The following SPOCK3 variants were observed in gnomAD, a reference collection of about 807,000 sequenced individuals.
SPOCK3 encodes testican-3.
A neutral mutation model predicts 56.6 loss-of-function variants in SPOCK3; 30 were observed. The observed-to-expected ratio is 0.53, with a 90% CI of 0.40 to 0.72. SPOCK3 has a LOEUF of 0.72. Ranked by LOEUF, SPOCK3 falls within the 30% of genes least tolerant of loss-of-function variation. SPOCK3 has a pLI of 0.00. For missense variants in SPOCK3, 527 were observed against 530.0 expected (o/e 0.99, Z 0.06); for synonymous variants, 196 against 183.3 (o/e 1.07, Z -0.56).
At chr4:166,976,515 T>G (rs955928316) in intron 4 of SPOCK3, among the ~76,000 whole-genome samples, 4 of 152,156 alleles carry the variant, frequency 2.6e-5, no homozygotes, top group Non-Finnish European at 5.9e-5. Context: ...GTCCTTGATA[T>G]TTGAATTTGA....
intron 2 of SPOCK3, among the ~76,000 whole-genome samples, chr4:167,218,133 C>A (rs1002679129): frequency 6.6e-6 from 1 of 152,090 alleles, no homozygotes; most frequent in African/African-American, 2.4e-5. Flanking sequence ...TCTTATGTTT[C>A]TAACATGGCA....
intron 8 of SPOCK3, among the ~76,000 whole-genome samples, chr4:166,746,897 A>G (rs1158856692): frequency 6.6e-6 from 1 of 152,176 alleles, no homozygotes; most frequent in Non-Finnish European, 1.5e-5. Context: ...AAATGCATAA[A>G]TTCCTGGACA....
At chr4:166,850,803 G>C (rs780883773) in intron 6 of SPOCK3, among the ~76,000 whole-genome samples, 5 of 152,226 alleles carry the variant, frequency 3.3e-5, no homozygotes, top group Admixed American at 1.3e-4. Flanking sequence ...CCCGCACCTG[G>C]CTCGGAGGGT....
intron 7 of SPOCK3, among the ~76,000 whole-genome samples, chr4:166,785,836 C>T (rs182661416): frequency 6.6e-6 from 1 of 152,140 alleles, no homozygotes; most frequent in Non-Finnish European, 1.5e-5. Flanking sequence ...ATTTATCACT[C>T]TTCTGAAGTT....
chr4:166,822,398 C>T (rs556620921), intron 6 of SPOCK3, among the ~76,000 whole-genome samples: 4 of 152,152 alleles, frequency 2.6e-5, no homozygotes, highest in Admixed American at 6.6e-5. Flanking sequence ...TCTTTGAACA[C>T]TCTTTGGCCA....
At chr4:166,763,756 T>A (rs933828362) in intron 7 of SPOCK3, among the ~76,000 whole-genome samples, 1 of 152,138 alleles carries the variant, frequency 6.6e-6, no homozygotes, top group East Asian at 1.9e-4. Context: ...TGATATATAC[T>A]ATAAACCCTA....
intron 2 of SPOCK3, among the ~76,000 whole-genome samples, chr4:167,132,735 C>T (rs1279674615): frequency 2.0e-5 from 3 of 152,010 alleles, no homozygotes; most frequent in Non-Finnish European, 2.9e-5. Context: ...GATAGCTGCC[C>T]GTAAACCCTG....
At chr4:166,946,924 G>C (rs1741835370) in intron 4 of SPOCK3, among the ~76,000 whole-genome samples, 1 of 152,046 alleles carries the variant, frequency 6.6e-6, no homozygotes, top group Non-Finnish European at 1.5e-5. Flanking sequence ...CATCACCAAT[G>C]AAAAACCCTA....
chr4:167,040,086 T>C (rs1235817163), intron 3 of SPOCK3, among the ~76,000 whole-genome samples: 1 of 152,230 alleles, frequency 6.6e-6, no homozygotes, highest in African/African-American at 2.4e-5. Flanking sequence ...TTTTCTTAAG[T>C]TATGCAGCCT....
At chr4:167,059,794 C>T (rs1461156770) in intron 3 of SPOCK3, among the ~76,000 whole-genome samples, 1 of 152,132 alleles carries the variant, frequency 6.6e-6, no homozygotes, top group Non-Finnish European at 1.5e-5. Flanking sequence ...AAATGTGGCA[C>T]ATATACACCA....
At chr4:166,998,253 C>T (rs1030137888) in intron 4 of SPOCK3, among the ~76,000 whole-genome samples, 1 of 152,224 alleles carries the variant, frequency 6.6e-6, no homozygotes, top group Non-Finnish European at 1.5e-5. Context: ...TTACATAAAA[C>T]ATTTTGAAAT....
chr4:166,968,697 G>A (rs1392877398), intron 4 of SPOCK3, among the ~76,000 whole-genome samples: 1 of 152,188 alleles, frequency 6.6e-6, no homozygotes, highest in Non-Finnish European at 1.5e-5. Flanking sequence ...CACAGGCAGA[G>A]GCCTCATGGA....
At chr4:167,172,173 A>G (rs1464370355) in intron 2 of SPOCK3, among the ~76,000 whole-genome samples, 4 of 152,228 alleles carry the variant, frequency 2.6e-5, no homozygotes, top group Non-Finnish European at 5.9e-5. Context: ...ACAGCCAGAC[A>G]TAGCAAGGGC....
chr4:167,206,726 C>A (rs1378084610), intron 2 of SPOCK3, among the ~76,000 whole-genome samples: 2 of 150,844 alleles, frequency 1.3e-5, no homozygotes, highest in Non-Finnish European at 3.0e-5. Flanking sequence ...ATTTTTTTTT[C>A]TTTTTTCTTT....
At chr4:166,814,753 G>T (rs1744214237) in intron 6 of SPOCK3, among the ~76,000 whole-genome samples, 1 of 152,046 alleles carries the variant, frequency 6.6e-6, no homozygotes, top group African/African-American at 2.4e-5. Flanking sequence ...CAGCTTGCAG[G>T]TGGCCTATGC....
intron 4 of SPOCK3, among the ~76,000 whole-genome samples, chr4:166,922,553 G>GT (rs1738616231): frequency 1.3e-5 from 2 of 152,146 alleles, no homozygotes; most frequent in South Asian, 4.2e-4. Flanking sequence ...CTAATTCTGA[G>GT]TCCCTTTCAT....
intron 2 of SPOCK3, among the ~76,000 whole-genome samples, chr4:167,120,109 T>C (rs1761745344): frequency 6.6e-6 from 1 of 152,092 alleles, no homozygotes; most frequent in African/African-American, 2.4e-5. Flanking sequence ...AATGCAAGTT[T>C]CAAAATTACA....
At chr4:167,200,258 G>A (rs1320334742) in intron 2 of SPOCK3, among the ~76,000 whole-genome samples, 1 of 152,002 alleles carries the variant, frequency 6.6e-6, no homozygotes, top group Non-Finnish European at 1.5e-5. Context: ...ATATTTCTAT[G>A]TATTCAAAGA....
At chr4:167,181,177 C>T (rs942595030) in intron 2 of SPOCK3, among the ~76,000 whole-genome samples, 2 of 152,064 alleles carry the variant, frequency 1.3e-5, no homozygotes, top group African/African-American at 2.4e-5. Flanking sequence ...CCCTAAAAAC[C>T]TCCTGAATTT....
Sources: allele counts gnomAD v4.1 joint callset (sites outside exome capture counted in the v4.1 genomes callset), GRCh38; gene constraint gnomAD v4.1.1; transcripts MANE v1.5; gene names NCBI Gene and HGNC (gene_info 2026-07-23, HGNC 2026-07-21).